EYS: variants seen among roughly 807,000 people sequenced by gnomAD.
The protein encoded by EYS is EGF-like photoreceptor maintenance factor.
EYS carries 250 observed loss-of-function variants against 282.1 expected under a neutral mutation model. The observed-to-expected ratio is 0.89, with a 90% CI of 0.80 to 0.98. The LOEUF (loss-of-function observed/expected upper bound fraction) is 0.98, where lower values mean the gene tolerates loss of function less well. Among genes scored for constraint, EYS ranks in the 50% least tolerant of loss-of-function variants. EYS has a pLI of 0.00. For synonymous variants in EYS, 1,355 were observed against 1,282.9 expected (o/e 1.06, Z -1.20); for missense variants, 4,016 against 3,709.0 (o/e 1.08, Z -2.15).
chr6:65,023,205 A>G (rs1009035664), intron 13 of EYS, among the ~76,000 whole-genome samples: 4 of 152,172 alleles, frequency 2.6e-5, no homozygotes, highest in Non-Finnish European at 5.9e-5. Flanking sequence ...CTATTAACTT[A>G]TAGTAAGTTA....
intron 26 of EYS, among the ~76,000 whole-genome samples, chr6:64,489,332 C>G (rs1007365649): frequency 6.6e-6 from 1 of 150,644 alleles, no homozygotes; most frequent in East Asian, 2.0e-4. Flanking sequence ...TTGTAAAACA[C>G]TAGTCTCTAG....
chr6:65,371,366 C>A (rs774978775), intron 8 of EYS, among the ~76,000 whole-genome samples: 2 of 151,578 alleles, frequency 1.3e-5, no homozygotes, highest in Admixed American at 6.7e-5. Context: ...TCCCTAGTAC[C>A]AACACTCCAC....
At chr6:65,636,282 C>T (rs1428152056) in intron 2 of EYS, among the ~76,000 whole-genome samples, 1 of 152,198 alleles carries the variant, frequency 6.6e-6, no homozygotes, top group Non-Finnish European at 1.5e-5. Context: ...CAGTCAGTCC[C>T]ACTTCCTCCC....
intron 26 of EYS, among the ~76,000 whole-genome samples, chr6:64,451,435 G>A (rs976349036): frequency 6.6e-6 from 1 of 152,156 alleles, no homozygotes; most frequent in Non-Finnish European, 1.5e-5. Flanking sequence ...GAGGTACAAG[G>A]AGGAGCTGGT....
intron 33 of EYS, among the ~76,000 whole-genome samples, chr6:64,058,790 A>G (rs1291679755): frequency 1.3e-5 from 2 of 152,228 alleles, no homozygotes; most frequent in African/African-American, 4.8e-5. Flanking sequence ...TTTTAGAATT[A>G]GAAGGCTTTT....
chr6:64,455,480 G>A (rs1015359694), intron 26 of EYS, among the ~76,000 whole-genome samples: 1 of 151,942 alleles, frequency 6.6e-6, no homozygotes, highest in Non-Finnish European at 1.5e-5. Flanking sequence ...TCTATGTGCT[G>A]AACATGCAGG....
intron 2 of EYS, among the ~76,000 whole-genome samples, chr6:65,556,891 T>C (rs1768829375): frequency 6.6e-6 from 1 of 152,166 alleles, no homozygotes; most frequent in Non-Finnish European, 1.5e-5. Flanking sequence ...ATATCACATG[T>C]ACTTAATTCT....
chr6:65,541,427 G>A (rs149991306), intron 2 of EYS, among the ~76,000 whole-genome samples: 1 of 152,092 alleles, frequency 6.6e-6, no homozygotes, highest in Non-Finnish European at 1.5e-5. Context: ...AAGATTAATT[G>A]AGCTGATTAA....
In EYS at chr6:65,152,263, T is replaced by C. The variant is rs960250806; in HGVS notation, c.2024-94536A>G. Among the ~76,000 whole-genome samples, 6 of 152,072 alleles carry C rather than the reference T, an allele frequency of 3.9e-5. No homozygotes were observed. In the South Asian group the frequency reaches 1.2e-3, roughly 31 times the overall value. ...TATGTTCTTCTAGGCAGGAACTGTT[T>C]CATTTCTCTCCATACTTTACACACC... On this transcript the variant is annotated intron_variant, in intron 12 of 42. Coordinates refer to ENST00000503581, the MANE Select transcript of EYS (RefSeq NM_001142800.2).
intron 22 of EYS, among the ~76,000 whole-genome samples, chr6:64,787,213 C>T (rs1472264458): frequency 6.6e-6 from 1 of 152,074 alleles, no homozygotes; most frequent in Non-Finnish European, 1.5e-5. Flanking sequence ...GCCAGCTAGG[C>T]AATGAGAGGT....
At chr6:64,612,787 A>T (rs181494941) in intron 24 of EYS, among the ~76,000 whole-genome samples, 4 of 152,228 alleles carry the variant, frequency 2.6e-5, no homozygotes, top group Admixed American at 6.5e-5. Flanking sequence ...TATTAATCCT[A>T]TCTAATCCTG....
intron 41 of EYS, among the ~76,000 whole-genome samples, chr6:63,748,138 A>C (rs1769255362): frequency 6.6e-6 from 1 of 152,154 alleles, no homozygotes; most frequent in Non-Finnish European, 1.5e-5. Flanking sequence ...TGGTAAAGGC[A>C]GGCCTGGTGG....
At chr6:64,981,003 C>T (rs370318719) in intron 14 of EYS, among the ~76,000 whole-genome samples, 1 of 151,244 alleles carries the variant, frequency 6.6e-6, no homozygotes, top group African/African-American at 2.4e-5. Context: ...AGATTTAAGT[C>T]GCTGTAATTC....
At chr6:64,763,981 C>T (rs767184543) in intron 22 of EYS, among the ~76,000 whole-genome samples, 3 of 152,206 alleles carry the variant, frequency 2.0e-5, no homozygotes, top group Non-Finnish European at 4.4e-5. Flanking sequence ...TGAGAAGCTC[C>T]TCCCCTGTGG....
intron 12 of EYS, among the ~76,000 whole-genome samples, chr6:65,213,582 G>T (rs1297044462): frequency 1.3e-5 from 2 of 151,942 alleles, no homozygotes; most frequent in African/African-American, 4.8e-5. Flanking sequence ...TGTGTTCAGC[G>T]ATCTCTTATG....
intron 39 of EYS, among the ~76,000 whole-genome samples, chr6:63,786,378 G>C (rs772443375): frequency 6.6e-6 from 1 of 151,824 alleles, no homozygotes; most frequent in Non-Finnish European, 1.5e-5. Flanking sequence ...GCTTTGCTTC[G>C]TTATGATTAA....
At chr6:65,674,442 C>T (rs901787112) in intron 1 of EYS, among the ~76,000 whole-genome samples, 13 of 112,914 alleles carry the variant, frequency 1.2e-4, no homozygotes, top group Non-Finnish European at 1.7e-4. Flanking sequence ...CAGAGCAAGA[C>T]TCCGTCTCAA....
At chr6:64,531,327 T>C (rs1040817991) in intron 26 of EYS, among the ~76,000 whole-genome samples, 1 of 151,746 alleles carries the variant, frequency 6.6e-6, no homozygotes, top group Non-Finnish European at 1.5e-5. Context: ...GAGGATTTTG[T>C]AGTACGCCTG....
intron 22 of EYS, among the ~76,000 whole-genome samples, chr6:64,649,099 C>T (rs1768459951): frequency 6.6e-6 from 1 of 151,930 alleles, no homozygotes; most frequent in African/African-American, 2.4e-5. Context: ...ATTGATGAGT[C>T]CAGATGAAGA....
Sources: allele counts gnomAD v4.1 joint callset (sites outside exome capture counted in the v4.1 genomes callset), GRCh38; gene constraint gnomAD v4.1.1; transcripts MANE v1.5; gene names NCBI Gene and HGNC (gene_info 2026-07-23, HGNC 2026-07-21).